MRPL15: variants seen among roughly 807,000 people sequenced by gnomAD.
The protein encoded by MRPL15 is large ribosomal subunit protein uL15m.
In MRPL15, 24 loss-of-function variants were observed where a neutral mutation model predicts 28.0. That is an observed-to-expected ratio of 0.86 (90% CI 0.62 to 1.21). The LOEUF (loss-of-function observed/expected upper bound fraction) is 1.21. MRPL15 is among the 50% of genes most tolerant of loss of function. The pLI is 0.00. For missense variants in MRPL15, 343 were observed against 372.4 expected (o/e 0.92, Z 0.65); for synonymous variants, 124 against 137.0 (o/e 0.90, Z 0.66).
chr8:54,138,880 C>G (rs1810872655), intron 3 of MRPL15, among the ~76,000 whole-genome samples: 1 of 152,118 alleles, frequency 6.6e-6, no homozygotes, highest in African/African-American at 2.4e-5. Context: ...GGCTGGAGTA[C>G]AGTGGTGTCA....
chr8:54,135,599 G>C (rs985650164), intron 1 of MRPL15, among the ~76,000 whole-genome samples: 5 of 132,028 alleles, frequency 3.8e-5, no homozygotes, highest in African/African-American at 1.5e-4. Flanking sequence ...TTTTTTCCGA[G>C]ACGGAGGCTT....
At position 54,136,628 on chromosome 8, in the gene MRPL15, A is replaced by C; in HGVS notation, c.226A>C (p.Ile76Leu). 1 of 1,614,220 alleles carries C rather than the reference A, an allele frequency of 6.2e-7. No homozygotes were observed. Among genetic ancestry groups the C allele is most frequent in the Non-Finnish European group, 8.5e-7 (1 of 1,180,014 alleles). The change falls in exon 2 of 5, where the codon ATC becomes CTC. Residue 76 changes from isoleucine (I) to leucine (L), a missense_variant. Physicochemically the swap from Ile to Leu is conservative, Grantham distance 5. Transcript: ENST00000260102. ...GFEGGQTPFY[I>L]RIPKYGFNEG... ...TGAGGGAGGCCAGACTCCATTTTAC[A>C]TCCGAATCCCAAAATACGGGTTTAA... is the stretch of plus-strand genomic sequence containing the variant.
At chr8:54,136,764 CT>C in intron 2 of MRPL15, 99 bp downstream of exon 2, 2 of 1,422,256 alleles carry the variant, frequency 1.4e-6, no homozygotes, top group Non-Finnish European at 1.9e-6. Context: ...TGTAAATTCA[CT>C]TTGAAGCAAA....
At chr8:54,135,520 C>A in intron 1 of MRPL15, 129 bp downstream of exon 1, 1 of 597,142 alleles carries the variant, frequency 1.7e-6, no homozygotes, top group Non-Finnish European at 2.7e-6. Context: ...TTGCCTCATG[C>A]CTGTTCTCCC....
At chr8:54,135,547 A>G (rs1354435172) in intron 1 of MRPL15, among the ~76,000 whole-genome samples, 156 bp downstream of exon 1, 1 of 149,002 alleles carries the variant, frequency 6.7e-6, no homozygotes, top group Non-Finnish European at 1.5e-5. Context: ...CCCAGAGGGG[A>G]ATCTTTCCAC....
At chr8:54,140,732 G>C (rs1250009961) in intron 3 of MRPL15, among the ~76,000 whole-genome samples, 1 of 151,622 alleles carries the variant, frequency 6.6e-6, no homozygotes, top group Admixed American at 6.6e-5. Context: ...CGCCACCATG[G>C]CCGGCTAATT....
Position 54,137,251 on chromosome 8 carries a change from A to G in MRPL15, c.264-17A>G, listed in dbSNP as rs1810839638. On this transcript the variant is annotated splice_polypyrimidine_tract_variant and intron_variant, in intron 2 of 4. Coordinates refer to ENST00000260102, the MANE Select transcript of MRPL15 (RefSeq NM_014175.4). ...GGAAGATGAGAGTTTTCCAACTCTT[A>G]CATTCTTGTTTTACAGTTTCAGACG... 6.2e-7 allele frequency: 1 copy of G among 1,605,350 alleles called. No homozygotes were observed. Among genetic ancestry groups the G allele is most frequent in the Non-Finnish European group, 8.5e-7 (1 of 1,175,760 alleles).
chr8:54,145,233 G>A (rs1431470058), intron 4 of MRPL15, among the ~76,000 whole-genome samples: 1 of 152,062 alleles, frequency 6.6e-6, no homozygotes, highest in Non-Finnish European at 1.5e-5. Flanking sequence ...AAAATTTTTT[G>A]CACCATGGTC....
At chr8:54,144,409 A>G (rs12114043) in intron 4 of MRPL15, among the ~76,000 whole-genome samples, 50,598 of 152,046 alleles carry the variant, frequency 0.33, 11,023 homozygotes, top group East Asian at 0.72. Flanking sequence ...GATTTGTGTC[A>G]TCTGTATGTA....
intron 4 of MRPL15, among the ~76,000 whole-genome samples, chr8:54,146,458 A>G (rs1172066210): frequency 6.6e-6 from 1 of 152,144 alleles, no homozygotes; most frequent in East Asian, 1.9e-4. Context: ...AAAAAAAAAA[A>G]AAAAAAGTCC....
In MRPL15 at chr8:54,142,524, C is replaced by A. The variant is rs932421493; in HGVS notation, c.430-139C>A. 15 of 945,490 alleles carry A rather than the reference C, an allele frequency of 1.6e-5. No homozygotes were observed. The African/African-American group carries it at 2.4e-4, about 15-fold the overall frequency. 58.6% of individuals were successfully genotyped at this position (945,490 alleles called of 1,614,324 possible). On this transcript the variant is annotated intron_variant, in intron 3 of 4. Transcript: ENST00000260102. ...GTTGGTTGACTCACAGATGTGGAAC[C>A]CACAGATATGGAGGACTAACTGTAT...
chr8:54,142,942 C>G lies in MRPL15; in HGVS notation c.553+156C>G. ...GATTATTATGATTTAAAGAATACAG[C>G]CTGTTGCTGACACATACACCAAGGG... is the stretch of plus-strand genomic sequence containing the variant. On this transcript the variant is annotated intron_variant, in intron 4 of 4. Transcript: ENST00000260102. 3 of 1,125,278 alleles carry G rather than the reference C, an allele frequency of 2.7e-6. No individual in the cohort carries two copies. In the Middle Eastern group the frequency reaches 6.9e-4, roughly 259 times the overall value. The allele number at this position is 1,125,278 out of a possible 1,614,324, so 69.7% of individuals were successfully genotyped here.
chr8:54,136,695 G>T (rs2271567), intron 2 of MRPL15, 30 bp downstream of exon 2: 289,928 of 1,575,064 alleles, frequency 0.18, 39,027 homozygotes, highest in East Asian at 0.7. Flanking sequence ...TAAAGTACAG[G>T]TCCCCAATTT....
At chr8:54,135,699 A>G (rs1377675098) in intron 1 of MRPL15, among the ~76,000 whole-genome samples, 1 of 143,540 alleles carries the variant, frequency 7.0e-6, no homozygotes, top group East Asian at 2.0e-4. Flanking sequence ...TAATTTTTGT[A>G]TTTTTAGTAG....
Position 54,135,307 on chromosome 8 carries a change from TG to T in MRPL15, c.28del (p.Ala10ProfsTer13). MAGPLQGGGARALDLLRGL... is the reference protein window; with the variant it reads MAGPLQGGXARALDLLRGL... ...TTATGGCCGGTCCCTTGCAGGGCGGTGGGGCCCGGGCCCTGGACCTACTCCG... is the reference window on the plus strand; with the variant it reads ...TTATGGCCGGTCCCTTGCAGGGCGGTGGGCCCGGGCCCTGGACCTACTCCG... On this transcript the variant is annotated frameshift_variant, in exon 1 of 5. Coordinates refer to ENST00000260102, the MANE Select transcript of MRPL15 (RefSeq NM_014175.4). LOFTEE classifies it high-confidence loss of function. 7.1e-7 allele frequency: 1 copy of T among 1,413,256 alleles called. No homozygotes were observed. Among genetic ancestry groups the T allele is most frequent in the Non-Finnish European group, 9.3e-7 (1 of 1,076,556 alleles). 87.5% of individuals were successfully genotyped at this position (1,413,256 alleles called of 1,614,324 possible). A position where few individuals can be genotyped will look rare whatever the true frequency, so the allele number is the denominator to read the frequency against.
chr8:54,146,598 A>G (rs949519696), intron 4 of MRPL15, among the ~76,000 whole-genome samples: 3 of 152,228 alleles, frequency 2.0e-5, no homozygotes, highest in Non-Finnish European at 4.4e-5. Flanking sequence ...TCTGTGACAT[A>G]TGTACTATTA....
At position 54,147,850 on chromosome 8, in the gene MRPL15, T is replaced by G. The variant is rs937794977; in HGVS notation, c.*131T>G. ...TGTTACTTTTCAGTGTACTCATATG[T>G]CTCATTTTCATCTAAAATTAAATGG... is the stretch of plus-strand genomic sequence containing the variant. On this transcript the variant is annotated 3_prime_UTR_variant, in exon 5 of 5. Coordinates refer to ENST00000260102, the MANE Select transcript of MRPL15 (RefSeq NM_014175.4). The G allele has an allele frequency of 3.5e-5, 27 of 765,240 alleles. No individual in the cohort carries two copies. In the African/African-American group the frequency reaches 4.4e-4, roughly 12 times the overall value. The allele number at this position is 765,240 out of a possible 1,614,324, so 47.4% of individuals were successfully genotyped here. A position where few individuals can be genotyped will look rare whatever the true frequency, so the allele number is the denominator to read the frequency against.
chr8:54,140,594 G>A (rs1810907860), intron 3 of MRPL15, among the ~76,000 whole-genome samples: 2 of 79,220 alleles, frequency 2.5e-5, no homozygotes, highest in South Asian at 1.7e-3. Context: ...TTTTTTTTGA[G>A]ATGGAGTCTC....
At chr8:54,143,305 T>C (rs1810964147) in intron 4 of MRPL15, among the ~76,000 whole-genome samples, 1 of 152,060 alleles carries the variant, frequency 6.6e-6, no homozygotes, top group South Asian at 2.1e-4. Flanking sequence ...TCTTGAACTC[T>C]TGACCTCAAA....
Sources: gnomAD v4.1 joint callset for allele counts (sites outside exome capture counted in the v4.1 genomes callset) on GRCh38, gnomAD v4.1.1 for gene constraint, MANE v1.5 for transcripts, NCBI Gene and HGNC (gene_info 2026-07-23, HGNC 2026-07-21) for gene names.